Variants in ANKIB1 observed in about 807,000 individuals in gnomAD.
ANKIB1 encodes ankyrin repeat and IBR domain-containing protein 1.
Under a neutral mutation model 122.1 loss-of-function variants are expected in ANKIB1, and 43 were observed. The observed-to-expected ratio is 0.35, with a 90% CI of 0.28 to 0.45. ANKIB1 has a LOEUF of 0.45. Among genes scored for constraint, ANKIB1 ranks in the 20% least tolerant of loss-of-function variants. ANKIB1 has a pLI of 1.00. For missense variants in ANKIB1, 992 were observed against 1,329.5 expected (o/e 0.75, Z 3.95); for synonymous variants, 390 against 442.0 (o/e 0.88, Z 1.48).
chr7:92,381,756 A>G (rs535922977), intron 11 of ANKIB1, among the ~76,000 whole-genome samples: 138 of 152,352 alleles, frequency 9.1e-4, no homozygotes, highest in African/African-American at 3.2e-3. Context: ...AAACATGGAA[A>G]GGAACAACTG....
chr7:92,381,147 G>C (rs1804503484), intron 11 of ANKIB1, among the ~76,000 whole-genome samples: 1 of 152,152 alleles, frequency 6.6e-6, no homozygotes, highest in African/African-American at 2.4e-5. Flanking sequence ...ATCAGTGATT[G>C]AAGATCAAAT....
intron 10 of ANKIB1, among the ~76,000 whole-genome samples, chr7:92,368,581 T>G (rs1804154363): frequency 6.6e-6 from 1 of 151,738 alleles, no homozygotes; most frequent in Non-Finnish European, 1.5e-5. Context: ...ATTAGCCAGG[T>G]GTGGTGGCGG....
chr7:92,291,567 C>CTTTTTTTTTT (rs1188174295), intron 1 of ANKIB1, among the ~76,000 whole-genome samples: 3 of 116,520 alleles, frequency 2.6e-5, no homozygotes, highest in Non-Finnish European at 5.4e-5. Context: ...TTTTCTTTTT[C>CTTTTTTTTTT]TTTTTTTTTT....
chr7:92,301,125 T>C (rs1051245450), intron 2 of ANKIB1, among the ~76,000 whole-genome samples: 1 of 152,220 alleles, frequency 6.6e-6, no homozygotes, highest in African/African-American at 2.4e-5. Context: ...CTGTATCTTA[T>C]CTTTTATAAA....
chr7:92,324,952 A>G (rs1412661355), intron 4 of ANKIB1, among the ~76,000 whole-genome samples: 1 of 152,246 alleles, frequency 6.6e-6, no homozygotes, highest in Admixed American at 6.5e-5. Flanking sequence ...GAAACACACA[A>G]ATAAGTTTAA....
At chr7:92,284,717 A>T in intron 1 of ANKIB1, among the ~76,000 whole-genome samples, 1 of 152,016 alleles carries the variant, frequency 6.6e-6, no homozygotes, top group Non-Finnish European at 1.5e-5. Flanking sequence ...ATAGAGAAGT[A>T]CATAATGTAT....
intron 1 of ANKIB1, among the ~76,000 whole-genome samples, chr7:92,281,063 G>A (rs954818210): frequency 6.6e-6 from 1 of 152,200 alleles, no homozygotes; most frequent in Non-Finnish European, 1.5e-5. Flanking sequence ...AAGGGAAAGG[G>A]TTCATGGAGT....
chr7:92,371,951 GTGTGT>G (rs1804267728), intron 11 of ANKIB1, among the ~76,000 whole-genome samples: 2 of 2,552 alleles, frequency 7.8e-4, no homozygotes, highest in South Asian at 8.8e-3. Context: ...TGAGAGAGGG[GTGTGT>G]GTGTGTGTGT....
At chr7:92,259,805 G>GTTACCT (rs1173324011) in intron 1 of ANKIB1, among the ~76,000 whole-genome samples, 1 of 152,026 alleles carries the variant, frequency 6.6e-6, no homozygotes, top group Non-Finnish European at 1.5e-5. Context: ...TTGCTTCCAG[G>GTTACCT]TGCTCATGCC....
At chr7:92,259,787 G>GCAA (rs1801522007) in intron 1 of ANKIB1, among the ~76,000 whole-genome samples, 2 of 152,114 alleles carry the variant, frequency 1.3e-5, no homozygotes, top group African/African-American at 4.8e-5. Flanking sequence ...CTCAGTAGTG[G>GCAA]TAACCCCTTG....
chr7:92,350,223 C>G (rs1288152938), intron 7 of ANKIB1, among the ~76,000 whole-genome samples: 2 of 151,992 alleles, frequency 1.3e-5, no homozygotes, highest in South Asian at 4.1e-4. Flanking sequence ...TATTTTAATG[C>G]CATCCCAAAA....
intron 11 of ANKIB1, among the ~76,000 whole-genome samples, chr7:92,380,296 T>TG (rs1378161315): frequency 1.3e-5 from 2 of 152,138 alleles, no homozygotes; most frequent in Non-Finnish European, 2.9e-5. Flanking sequence ...ACTCCACCTC[T>TG]GGGGGCAGGG....
intron 1 of ANKIB1, among the ~76,000 whole-genome samples, chr7:92,262,836 G>A (rs1039837384): frequency 3.3e-5 from 5 of 152,174 alleles, no homozygotes; most frequent in African/African-American, 1.2e-4. Flanking sequence ...AGTGATCACA[G>A]TGATGATGGC....
intron 10 of ANKIB1, among the ~76,000 whole-genome samples, chr7:92,366,686 A>G (rs1339080346): frequency 1.3e-5 from 2 of 152,106 alleles, no homozygotes; most frequent in Non-Finnish European, 2.9e-5. Flanking sequence ...GTTCATTATA[A>G]TCTTCTGTTT....
At chr7:92,340,327 G>T (rs1185658437) in intron 5 of ANKIB1, among the ~76,000 whole-genome samples, 1 of 152,152 alleles carries the variant, frequency 6.6e-6, no homozygotes, top group African/African-American at 2.4e-5. Context: ...AAGAGAACAC[G>T]CTGTAAGCCA....
At chr7:92,307,014 A>G (rs543049606) in intron 2 of ANKIB1, among the ~76,000 whole-genome samples, 1 of 152,338 alleles carries the variant, frequency 6.6e-6, no homozygotes, top group South Asian at 2.1e-4. Context: ...TGTATAATTG[A>G]CATTAATCTG....
At chr7:92,277,370 A>G (rs1801925949) in intron 1 of ANKIB1, among the ~76,000 whole-genome samples, 1 of 152,196 alleles carries the variant, frequency 6.6e-6, no homozygotes, top group African/African-American at 2.4e-5. Context: ...CTTGGTTTAC[A>G]GGGGTATTAA....
chr7:92,246,326 G>C lies in ANKIB1; in HGVS notation c.-284G>C, dbSNP rs1801001026. On this transcript the variant is annotated 5_prime_UTR_variant, in exon 1 of 20. Coordinates refer to ENST00000265742, the MANE Select transcript of ANKIB1 (RefSeq NM_019004.2). The stretch of plus-strand genomic sequence containing the variant: ...ACGCAGCGCTTCCCGCGGGCCGCCA[G>C]TGCGCACCCTCGGCCACATCAGCCT... 1 of 420,716 alleles carries C rather than the reference G, an allele frequency of 2.4e-6. No homozygotes were observed. The highest frequency in any genetic ancestry group is 2.1e-5 in the African/African-American group (1 of 46,686). The allele number at this position is 420,716 out of a possible 1,614,324, so 26.1% of individuals were successfully genotyped here.
Position 92,398,851 on chromosome 7 carries a change from A to C in ANKIB1, c.3172A>C (p.Ser1058Arg). The C allele has an allele frequency of 6.2e-7, 1 of 1,604,772 alleles. No individual in the cohort carries two copies. Among genetic ancestry groups the C allele is most frequent in the Non-Finnish European group, 8.5e-7 (1 of 1,175,412 alleles). ...GGAAGCAGCATCTCAAGCTGGTGAC[A>C]GTGGTAACGAGGCAGCCAACAGAGG... is the stretch of plus-strand genomic sequence containing the variant. ...AGEAASQAGD[S>R]GNEAANRGDG... Residue 1058 changes from serine (S) to arginine (R), a missense_variant, in exon 20 of 20, where the codon AGT (serine) becomes CGT (arginine). Coordinates refer to ENST00000265742, the MANE Select transcript of ANKIB1 (RefSeq NM_019004.2).
Sources: gnomAD v4.1 joint callset for allele counts (sites outside exome capture counted in the v4.1 genomes callset) on GRCh38, gnomAD v4.1.1 for gene constraint, MANE v1.5 for transcripts, NCBI Gene and HGNC (gene_info 2026-07-23, HGNC 2026-07-21) for gene names.